The following MATN2 variants were observed in gnomAD, a reference collection of about 807,000 sequenced individuals.
MATN2 encodes the protein matrilin-2.
MATN2 carries 69 observed loss-of-function variants against 103.2 expected under a neutral mutation model. That is an observed-to-expected ratio of 0.67 (90% CI 0.55 to 0.82). The LOEUF is 0.82. Ranked by LOEUF, MATN2 falls within the 40% of genes least tolerant of loss-of-function variation. MATN2 has a pLI of 0.00. For synonymous variants in MATN2, 429 were observed against 450.2 expected (o/e 0.95, Z 0.60); for missense variants, 1,023 against 1,211.5 (o/e 0.84, Z 2.31).
rs1586148644 is a variant in MATN2 at position 98,005,608 on chromosome 8, T to C, written c.1328-1497T>C. 1.3e-5 allele frequency among the ~76,000 whole-genome samples: 2 copies of C among 152,300 alleles called. No homozygotes were observed. Among genetic ancestry groups the C allele is most frequent in the Admixed American group, 1.3e-4 (2 of 15,294 alleles). On this transcript the variant is annotated intron_variant, in intron 8 of 18. Coordinates refer to ENST00000254898, the MANE Select transcript of MATN2 (RefSeq NM_002380.5). This position sits in a 1 kb window ranked among gnomAD's most constrained non-coding sequence, Gnocchi z 4.6. ...CTAAGAAAGTACAAACCAAGCTGTT[T>C]CTGTCTCGCAGTCCTTAGAGAAAGC...
intron 7 of MATN2, among the ~76,000 whole-genome samples, 199 bp downstream of exon 7, chr8:97,994,801 C>T (rs1812514367): frequency 6.6e-6 from 1 of 152,056 alleles, no homozygotes; most frequent in Non-Finnish European, 1.5e-5. Flanking sequence ...TAGGTCTGGC[C>T]ATTAGATTCA....
intron 1 of MATN2, among the ~76,000 whole-genome samples, chr8:97,887,241 C>G (rs1461277976): frequency 4.6e-5 from 7 of 151,700 alleles, no homozygotes; most frequent in Non-Finnish European, 7.4e-5. Context: ...AGAAACGAGG[C>G]CTTGCTGTGT....
chr8:97,958,329 C>T (rs1811203499), intron 4 of MATN2, among the ~76,000 whole-genome samples: 1 of 152,318 alleles, frequency 6.6e-6, no homozygotes, highest in Middle Eastern at 3.4e-3. Context: ...AAGCTGCTGC[C>T]ACCCTTCCAG....
At chr8:97,999,401 G>A (rs1429987325) in intron 7 of MATN2, among the ~76,000 whole-genome samples, 2 of 152,210 alleles carry the variant, frequency 1.3e-5, no homozygotes, top group African/African-American at 4.8e-5. Context: ...GCTGAATGCT[G>A]GGTTTTAAAA....
At chr8:97,946,862 GT>G (rs1810768478) in intron 4 of MATN2, among the ~76,000 whole-genome samples, 1 of 152,086 alleles carries the variant, frequency 6.6e-6, no homozygotes, top group Non-Finnish European at 1.5e-5. Flanking sequence ...ATAGATTTAT[GT>G]TAGAGTTTAA....
chr8:98,028,756 T>TTTTTGTATTTTTAGTGGAGA (rs1813905165), intron 14 of MATN2, among the ~76,000 whole-genome samples: 1 of 152,054 alleles, frequency 6.6e-6, no homozygotes, highest in Non-Finnish European at 1.5e-5. Context: ...CCAGCTAATT[T>TTTTTGTATTTTTAGTGGAGA]TTTTGTATTT....
intron 2 of MATN2, among the ~76,000 whole-genome samples, chr8:97,903,750 C>T (rs1315155748): frequency 6.6e-6 from 1 of 152,142 alleles, no homozygotes; most frequent in African/African-American, 2.4e-5. Context: ...GAGGAGGTAA[C>T]CTGTACCCTC....
At chr8:97,926,507 A>G (rs748254187) in intron 2 of MATN2, among the ~76,000 whole-genome samples, 8 of 152,352 alleles carry the variant, frequency 5.3e-5, no homozygotes, top group Non-Finnish European at 7.3e-5. Context: ...GACGATGGAA[A>G]GGGCATCAGG....
intron 3 of MATN2, among the ~76,000 whole-genome samples, 167 bp from the exon 4 acceptor site, chr8:97,941,610 T>G (rs1447196905): frequency 6.6e-6 from 1 of 152,244 alleles, no homozygotes; most frequent in African/African-American, 2.4e-5. Context: ...TATCTGGCCC[T>G]GTCTTGTCCA....
At chr8:98,024,484 G>A (rs1294283900) in intron 13 of MATN2, among the ~76,000 whole-genome samples, 8 of 151,964 alleles carry the variant, frequency 5.3e-5, no homozygotes, top group Non-Finnish European at 1.2e-4. Flanking sequence ...CAGCCTGGGC[G>A]AGAGAGCGAG....
At chr8:97,895,488 T>C (rs1418199604) in intron 2 of MATN2, among the ~76,000 whole-genome samples, 1 of 152,142 alleles carries the variant, frequency 6.6e-6, no homozygotes, top group African/African-American at 2.4e-5. Context: ...TGCCACCTCC[T>C]CCCTCTCCAG....
intron 5 of MATN2, among the ~76,000 whole-genome samples, chr8:97,963,541 T>G (rs1811383249): frequency 6.6e-6 from 1 of 152,194 alleles, no homozygotes; most frequent in Admixed American, 6.5e-5. Flanking sequence ...GCTGTAACTT[T>G]TGGGATTTGA....
chr8:97,902,002 T>TA (rs1170214528), intron 2 of MATN2, among the ~76,000 whole-genome samples: 1 of 152,090 alleles, frequency 6.6e-6, no homozygotes, highest in Non-Finnish European at 1.5e-5. Flanking sequence ...AATACTGAGT[T>TA]ACGTTTTAAT....
rs367696106 is a variant in MATN2 at position 98,033,100 on chromosome 8, G to A, written c.2640G>A (p.Val880=). The A allele has an allele frequency of 3.7e-6, 6 of 1,611,654 alleles. No homozygotes were observed. In the African/African-American group the frequency reaches 8.0e-5, roughly 22 times the overall value. Residue 880 remains valine (V), a synonymous_variant, in exon 17 of 19, where the codon GTG becomes GTA. Transcript: ENST00000254898. The stretch of plus-strand genomic sequence containing the variant: ...TACTTTCCTGTTCTAATTTTGCAGT[G>A]CAACACAGATATCTGTTTGAAGAAG... ...QDLLSCSNFA[V]QHRYLFEEDN... is the part of the protein sequence containing the mutation.
At chr8:98,006,899 G>A (rs1440326071) in intron 8 of MATN2, among the ~76,000 whole-genome samples, 1 of 152,106 alleles carries the variant, frequency 6.6e-6, no homozygotes, top group African/African-American at 2.4e-5. Flanking sequence ...GCAGTGAGCC[G>A]AGATCTCGCC....
intron 6 of MATN2, among the ~76,000 whole-genome samples, chr8:97,989,500 G>C (rs1812323476): frequency 6.6e-6 from 1 of 150,818 alleles, no homozygotes; most frequent in African/African-American, 2.4e-5. Flanking sequence ...GAAGGTAACT[G>C]CCTCAATCTG....
At chr8:97,971,412 C>T (rs1811651449) in intron 5 of MATN2, among the ~76,000 whole-genome samples, 1 of 152,120 alleles carries the variant, frequency 6.6e-6, no homozygotes, top group African/African-American at 2.4e-5. Flanking sequence ...GTAAGTGGAA[C>T]GTTCAATTCC....
At chr8:98,000,279 C>A (rs1812734454) in intron 7 of MATN2, among the ~76,000 whole-genome samples, 1 of 152,004 alleles carries the variant, frequency 6.6e-6, no homozygotes, top group Non-Finnish European at 1.5e-5. Flanking sequence ...ATTAACCTCG[C>A]TAAACCTCAA....
chr8:98,006,396 C>G (rs1812971248), intron 8 of MATN2, among the ~76,000 whole-genome samples: 2 of 152,176 alleles, frequency 1.3e-5, no homozygotes, highest in African/African-American at 4.8e-5. Flanking sequence ...GTTCTGAGCG[C>G]TTTACATAAT....
Sources: gnomAD v4.1 joint callset for allele counts (sites outside exome capture counted in the v4.1 genomes callset) on GRCh38, gnomAD v4.1.1 for gene constraint, Gnocchi (gnomAD v3.1) non-coding constraint, MANE v1.5 for transcripts, NCBI Gene and HGNC (gene_info 2026-07-23, HGNC 2026-07-21) for gene names.